Variants in SORCS3 observed in about 807,000 individuals in gnomAD.
The protein encoded by SORCS3 is sortilin related VPS10 domain containing receptor 3.
A neutral mutation model predicts 146.3 loss-of-function variants in SORCS3; 57 were observed. That is an observed-to-expected ratio of 0.39 (90% CI 0.31 to 0.49). The LOEUF (loss-of-function observed/expected upper bound fraction) is 0.49, where lower values mean the gene tolerates loss of function less well. SORCS3 is among the 20% of genes least tolerant of loss of function. The pLI, the probability that SORCS3 is intolerant of heterozygous loss-of-function variation, is 0.92. For missense variants in SORCS3, 1,341 were observed against 1,575.5 expected (o/e 0.85, Z 2.52); for synonymous variants, 653 against 618.5 (o/e 1.06, Z -0.83).
intron 1 of SORCS3, among the ~76,000 whole-genome samples, chr10:104,751,923 G>GAATATATATATATATATA (rs1564675362): frequency 4.6e-5 from 1 of 21,752 alleles, no homozygotes; most frequent in Non-Finnish European, 1.0e-4. Context: ...CTAATAGGAA[G>GAATATATATATATATATA]CATATATATA....
At chr10:105,073,419 C>A (rs190274357) in intron 5 of SORCS3, among the ~76,000 whole-genome samples, 1 of 152,304 alleles carries the variant, frequency 6.6e-6, no homozygotes, top group East Asian at 1.9e-4. Flanking sequence ...CTGGTACACA[C>A]GTAGAGGATC....
At chr10:104,813,134 T>G (rs1458859146) in intron 1 of SORCS3, among the ~76,000 whole-genome samples, 1 of 152,186 alleles carries the variant, frequency 6.6e-6, no homozygotes, top group Non-Finnish European at 1.5e-5. Flanking sequence ...TGACTTTCCT[T>G]TGGTCTCTTA....
At chr10:105,120,728 A>C (rs1269761784) in intron 7 of SORCS3, among the ~76,000 whole-genome samples, 1 of 152,222 alleles carries the variant, frequency 6.6e-6, no homozygotes, top group African/African-American at 2.4e-5. Flanking sequence ...GTAATTTGCT[A>C]CATATTATAA....
chr10:104,931,344 G>A (rs143206447), intron 3 of SORCS3, among the ~76,000 whole-genome samples: 1 of 152,150 alleles, frequency 6.6e-6, no homozygotes, highest in Non-Finnish European at 1.5e-5. Flanking sequence ...CCTGACATTA[G>A]GGCGCTTTGA....
chr10:105,177,659 T>C (rs977073197), intron 13 of SORCS3, among the ~76,000 whole-genome samples: 5 of 152,144 alleles, frequency 3.3e-5, no homozygotes, highest in African/African-American at 1.2e-4. Context: ...AGGTTTGATC[T>C]GAAAGACAAA....
At position 105,256,068 on chromosome 10, in the gene SORCS3, T is replaced by G. The variant is rs570666819; in HGVS notation, c.3337+267T>G. 2.0e-5 allele frequency among the ~76,000 whole-genome samples: 3 copies of G among 152,328 alleles called. No homozygotes were observed. The East Asian group carries it at 5.8e-4, about 29-fold the overall frequency. The stretch of plus-strand genomic sequence containing the variant: ...CCTACAATTTACTTGGGTCTTAACC[T>G]TATTCGTTTGTTTGTTTGTATATTT... On this transcript the variant is annotated intron_variant, in intron 24 of 26. Transcript: ENST00000369701.
At chr10:105,226,197 T>C (rs1045112900) in intron 20 of SORCS3, among the ~76,000 whole-genome samples, 8 of 152,016 alleles carry the variant, frequency 5.3e-5, no homozygotes, top group African/African-American at 1.9e-4. Flanking sequence ...ACTATGGATT[T>C]GTCATATAGC....
intron 1 of SORCS3, among the ~76,000 whole-genome samples, chr10:104,646,669 G>C (rs1474946019): frequency 6.6e-6 from 1 of 152,110 alleles, no homozygotes. Flanking sequence ...GCCTTCTTTT[G>C]GCCTCTTGGC....
chr10:104,833,891 C>T (rs1163023324), intron 1 of SORCS3, among the ~76,000 whole-genome samples: 1 of 152,172 alleles, frequency 6.6e-6, no homozygotes, highest in Non-Finnish European at 1.5e-5. Context: ...ATGTCTAAAG[C>T]TCAACTTTTA....
At chr10:104,911,176 A>C (rs560116293) in intron 2 of SORCS3, among the ~76,000 whole-genome samples, 2 of 152,338 alleles carry the variant, frequency 1.3e-5, no homozygotes, top group South Asian at 4.1e-4. Context: ...CCCCAGGCCA[A>C]GTGGGCCCAC....
intron 1 of SORCS3, among the ~76,000 whole-genome samples, chr10:104,712,967 G>A (rs1183345906): frequency 1.3e-5 from 2 of 152,152 alleles, no homozygotes; most frequent in Admixed American, 6.5e-5. Flanking sequence ...GCAGGGTATG[G>A]TATGTGCTAT....
At chr10:104,813,929 C>CT (rs35625517) in intron 1 of SORCS3, among the ~76,000 whole-genome samples, 2,659 of 116,104 alleles carry the variant, frequency 0.023, 44 homozygotes, top group Admixed American at 0.045. Flanking sequence ...TCTTTTCTTT[C>CT]TTTTTTTTTT....
At chr10:105,206,685 G>A (rs1422940642) in intron 16 of SORCS3, among the ~76,000 whole-genome samples, 2 of 152,216 alleles carry the variant, frequency 1.3e-5, no homozygotes, top group Admixed American at 1.3e-4. Context: ...AAATAGTTGG[G>A]ATATAATTGT....
At chr10:105,141,867 A>G (rs1198418517) in intron 8 of SORCS3, among the ~76,000 whole-genome samples, 2 of 152,184 alleles carry the variant, frequency 1.3e-5, no homozygotes, top group Non-Finnish European at 2.9e-5. Flanking sequence ...CCACTTACTT[A>G]TCCATGAGCC....
In SORCS3 at chr10:105,262,326, T is replaced by C. The variant is rs2056965632; in HGVS notation, c.3444-5T>C. ...TTAACCTGATTTTGCTCCTGTCCCA[T>C]GTAGGAAAATCCCTTGGATTAACAT... On this transcript the variant is annotated splice_region_variant and splice_polypyrimidine_tract_variant and intron_variant, in intron 25 of 26. Transcript: ENST00000369701. The C allele has an allele frequency of 6.2e-7, 1 of 1,611,860 alleles. No homozygotes were observed. The highest frequency in any genetic ancestry group is 8.5e-7 in the Non-Finnish European group (1 of 1,178,312).
chr10:104,683,341 C>T (rs1035366880), intron 1 of SORCS3, among the ~76,000 whole-genome samples: 4 of 152,188 alleles, frequency 2.6e-5, no homozygotes, highest in South Asian at 2.1e-4. Flanking sequence ...CAAGACTCCA[C>T]GTACTTTGGA....
At chr10:105,113,398 C>A (rs1487844381) in intron 7 of SORCS3, among the ~76,000 whole-genome samples, 1 of 152,046 alleles carries the variant, frequency 6.6e-6, no homozygotes, top group Non-Finnish European at 1.5e-5. Flanking sequence ...TAATGAAAAA[C>A]CTTGGTAACC....
intron 1 of SORCS3, among the ~76,000 whole-genome samples, chr10:104,704,203 T>C (rs2016311993): frequency 6.8e-6 from 1 of 147,992 alleles, no homozygotes; most frequent in Admixed American, 6.9e-5. Flanking sequence ...GGTCTCTCAC[T>C]GTCGCCCAGG....
intron 26 of SORCS3, among the ~76,000 whole-genome samples, chr10:105,262,814 G>C (rs1359316756): frequency 1.3e-5 from 2 of 152,146 alleles, no homozygotes; most frequent in Non-Finnish European, 2.9e-5. Flanking sequence ...ACATGAATGT[G>C]GAATCTGGCA....
Sources: allele counts gnomAD v4.1 joint callset (sites outside exome capture counted in the v4.1 genomes callset), GRCh38; gene constraint gnomAD v4.1.1; transcripts MANE v1.5; gene names NCBI Gene and HGNC (gene_info 2026-07-23, HGNC 2026-07-21).